Variants in TMEM132C observed in about 807,000 individuals in gnomAD.
The protein encoded by TMEM132C is transmembrane protein 132C, also known as protein phosphatase 1, regulatory subunit 152.
In TMEM132C, 29 loss-of-function variants were observed where a neutral mutation model predicts 61.4. That is an observed-to-expected ratio of 0.47 (90% CI 0.35 to 0.64). TMEM132C has a LOEUF of 0.64. Among genes scored for constraint, TMEM132C ranks in the 30% least tolerant of loss-of-function variants. TMEM132C has a pLI of 0.00. For missense variants in TMEM132C, 1,408 were observed against 1,476.9 expected, an observed-to-expected ratio of 0.95 and a Z score of 0.76; for synonymous variants, 656 against 633.1, an observed-to-expected ratio of 1.04 and a Z score of -0.54.
intron 2 of TMEM132C, among the ~76,000 whole-genome samples, chr12:128,525,263 G>A (rs1434016667): frequency 6.6e-6 from 1 of 152,090 alleles, no homozygotes; most frequent in Non-Finnish European, 1.5e-5. Context: ...GCCATAAAGG[G>A]AAGTTTTCTG....
At chr12:128,619,799 T>A (rs1203879481) in intron 4 of TMEM132C, among the ~76,000 whole-genome samples, 1 of 152,196 alleles carries the variant, frequency 6.6e-6, no homozygotes, top group Non-Finnish European at 1.5e-5. Context: ...ACTAAAATGT[T>A]GGCAGTTCAG....
chr12:128,552,226 G>A (rs1213453148), intron 3 of TMEM132C, among the ~76,000 whole-genome samples: 4 of 152,188 alleles, frequency 2.6e-5, no homozygotes, highest in South Asian at 4.1e-4. Flanking sequence ...TTATTAAAAC[G>A]CTACTGTTAA....
intron 2 of TMEM132C, among the ~76,000 whole-genome samples, chr12:128,509,546 C>G (rs773626314): frequency 2.0e-5 from 3 of 152,220 alleles, no homozygotes; most frequent in Non-Finnish European, 4.4e-5. Flanking sequence ...TTGCATGACT[C>G]AGTTTCCCAA....
At chr12:128,385,458 A>T (rs11059673) in intron 1 of TMEM132C, among the ~76,000 whole-genome samples, 1 of 81,600 alleles carries the variant, frequency 1.2e-5, no homozygotes, top group Non-Finnish European at 2.8e-5. Context: ...CATAAACGTC[A>T]AGTCCTCGCA....
At position 128,611,480 on chromosome 12, in the gene TMEM132C, G is replaced by A. The variant is rs536242046; in HGVS notation, c.1122-4672G>A. Among the ~76,000 whole-genome samples, 9 of 152,288 alleles carry A rather than the reference G, an allele frequency of 5.9e-5. No homozygotes were observed. In the South Asian group the frequency reaches 6.2e-4, roughly 11 times the overall value. The stretch of plus-strand genomic sequence containing the variant: ...ACAGGAATATGTCTGGGGCGGGAGC[G>A]GGGTTAGGGACTGGCTCCAGCCCCA... On this transcript the variant is annotated intron_variant, in intron 3 of 8. Coordinates refer to ENST00000435159, the MANE Select transcript of TMEM132C (RefSeq NM_001136103.3).
chr12:128,353,753 C>G (rs1055913091), intron 1 of TMEM132C, among the ~76,000 whole-genome samples: 6 of 152,074 alleles, frequency 3.9e-5, no homozygotes, highest in Admixed American at 1.3e-4. Context: ...TCTCCCGGGT[C>G]CCACTTTCCT....
intron 1 of TMEM132C, among the ~76,000 whole-genome samples, chr12:128,289,879 T>G (rs1440818281): frequency 1.3e-5 from 2 of 152,210 alleles, no homozygotes; most frequent in Non-Finnish European, 2.9e-5. Context: ...ATAGCATGTT[T>G]AAAGGTCCTA....
intron 8 of TMEM132C, among the ~76,000 whole-genome samples, chr12:128,699,203 T>C (rs557929139): frequency 3.5e-4 from 54 of 152,284 alleles, no homozygotes; most frequent in African/African-American, 1.2e-3. Flanking sequence ...TGCTCAGTGC[T>C]CAGAGATGTG....
At chr12:128,279,730 C>A (rs776326922) in intron 1 of TMEM132C, among the ~76,000 whole-genome samples, 2 of 152,228 alleles carry the variant, frequency 1.3e-5, no homozygotes, top group Non-Finnish European at 2.9e-5. Context: ...TGGAAGTCTC[C>A]CTATGCACAT....
intron 2 of TMEM132C, among the ~76,000 whole-genome samples, chr12:128,427,458 G>A (rs879803552): frequency 6.7e-6 from 1 of 149,598 alleles, no homozygotes; most frequent in South Asian, 2.1e-4. Flanking sequence ...TGGTGGCCTG[G>A]AAGTGGGGAC....
chr12:128,694,189 G>T (rs1308061722), intron 6 of TMEM132C, among the ~76,000 whole-genome samples, 155 bp downstream of exon 6: 1 of 152,206 alleles, frequency 6.6e-6, no homozygotes, highest in East Asian at 1.9e-4. Context: ...CCCAAAAGCT[G>T]CTAAACAGCA....
intron 1 of TMEM132C, among the ~76,000 whole-genome samples, chr12:128,396,224 C>T (rs1874950085): frequency 6.6e-6 from 1 of 152,088 alleles, no homozygotes; most frequent in Non-Finnish European, 1.5e-5. Flanking sequence ...AGTTTTCACC[C>T]AATAACACTT....
intron 1 of TMEM132C, among the ~76,000 whole-genome samples, chr12:128,344,394 G>C (rs948004480): frequency 6.6e-6 from 1 of 152,090 alleles, no homozygotes; most frequent in Non-Finnish European, 1.5e-5. Context: ...TTCTCACCTC[G>C]TGATCCACCC....
At chr12:128,468,393 C>A (rs1466722445) in intron 2 of TMEM132C, among the ~76,000 whole-genome samples, 1 of 152,170 alleles carries the variant, frequency 6.6e-6, no homozygotes, top group Non-Finnish European at 1.5e-5. Context: ...TCTCGGCTCA[C>A]CACAACCTCT....
rs1420577251 is a variant in TMEM132C at position 128,415,398 on chromosome 12, C to T, written c.752C>T (p.Ala251Val). 2 of 1,550,162 alleles carry T rather than the reference C, an allele frequency of 1.3e-6. No homozygotes were observed. The highest frequency in any genetic ancestry group is 1.2e-5 in the South Asian group (1 of 83,886). ...GGGGGTGACTTCAGGAAGGGCAACGCCATCCGTCCAGGAAAGGATGGGCTG... is the reference window on the plus strand; with the variant it reads ...GGGGGTGACTTCAGGAAGGGCAACGTCATCCGTCCAGGAAAGGATGGGCTG... ...CAGGDFRKGN[A>V]IRPGKDGLEE... The change falls in exon 2 of 9, where the codon GCC (alanine) becomes GTC (valine). Residue 251 changes from alanine (A) to valine (V), a missense_variant. Coordinates refer to ENST00000435159, the MANE Select transcript of TMEM132C (RefSeq NM_001136103.3). This position sits in a 1 kb window ranked among gnomAD's most constrained non-coding sequence, Gnocchi z 5.8.
At chr12:128,578,343 G>T (rs1307892096) in intron 3 of TMEM132C, among the ~76,000 whole-genome samples, 3 of 152,188 alleles carry the variant, frequency 2.0e-5, no homozygotes, top group Non-Finnish European at 4.4e-5. Flanking sequence ...TGTCAACATG[G>T]ATTCTCAATT....
chr12:128,705,669 C>T lies in TMEM132C; in HGVS notation c.2701C>T (p.Leu901Phe), dbSNP rs1418194869. The change falls in exon 9 of 9, where the codon CTC becomes TTC. Residue 901 changes from leucine (L) to phenylalanine (F), a missense_variant. Physicochemically the swap from Leu to Phe is conservative, Grantham distance 22 (BLOSUM62 0). Transcript: ENST00000435159. ...DFTNFPAHVD[L>F]PKAGSGLEEN... is the part of the protein sequence containing the mutation. ...CACCAACTTCCCTGCCCACGTGGACCTCCCCAAGGCCGGGAGTGGGCTGGA... is the reference window on the plus strand; with the variant it reads ...CACCAACTTCCCTGCCCACGTGGACTTCCCCAAGGCCGGGAGTGGGCTGGA... The T allele has an allele frequency of 6.4e-7, 1 of 1,551,326 alleles. No homozygotes were observed.
chr12:128,501,934 G>A lies in TMEM132C; in HGVS notation c.975-42023G>A, dbSNP rs192017169. Among the ~76,000 whole-genome samples, 29 of 152,354 alleles carry A rather than the reference G, an allele frequency of 1.9e-4. No homozygotes were observed. In the East Asian group the frequency reaches 5.4e-3, roughly 28 times the overall value. ...AGCCATCCTTGGAAAGCCTGAGTCAGTAGTTCTGGGGAGGGGCCTGAGTAC... is the reference window on the plus strand; with the variant it reads ...AGCCATCCTTGGAAAGCCTGAGTCAATAGTTCTGGGGAGGGGCCTGAGTAC... On this transcript the variant is annotated intron_variant, in intron 2 of 8. Coordinates refer to ENST00000435159, the MANE Select transcript of TMEM132C (RefSeq NM_001136103.3).
intron 2 of TMEM132C, among the ~76,000 whole-genome samples, chr12:128,459,033 A>C (rs1870441183): frequency 6.6e-6 from 1 of 152,214 alleles, no homozygotes; most frequent in Admixed American, 6.5e-5. Flanking sequence ...AGTCTGCAGT[A>C]CAAGAGGTTT....
Sources: allele counts gnomAD v4.1 joint callset (sites outside exome capture counted in the v4.1 genomes callset), GRCh38; gene constraint gnomAD v4.1.1; non-coding constraint Gnocchi (gnomAD v3.1); transcripts MANE v1.5; gene names NCBI Gene and HGNC (gene_info 2026-07-23, HGNC 2026-07-21).